Variants in COL12A1 observed in about 807,000 individuals in gnomAD.
The protein encoded by COL12A1 is collagen type XII alpha 1 chain.
COL12A1 carries 114 observed loss-of-function variants against 349.7 expected under a neutral mutation model. The ratio of observed to expected loss-of-function variants is 0.33; its 90% CI spans 0.28 to 0.38. COL12A1 has a LOEUF of 0.38. Ranked by LOEUF, COL12A1 falls within the 10% of genes least tolerant of loss-of-function variation. The probability of loss-of-function intolerance (pLI) is 1.00; values close to 1 mark genes in which losing one functional copy is unlikely to be tolerated. For missense variants in COL12A1, 3,284 were observed against 3,756.9 expected, an observed-to-expected ratio of 0.87 and a Z score of 3.29; for synonymous variants, 1,369 against 1,329.0, an observed-to-expected ratio of 1.03 and a Z score of -0.66.
chr6:75,177,527 A>T (rs1205001205), intron 12 of COL12A1, 136 bp downstream of exon 12: 2 of 1,008,808 alleles, frequency 2.0e-6, no homozygotes, highest in Non-Finnish European at 2.9e-6. Context: ...ACTTAAATCT[A>T]AAAGGACTAT....
At chr6:75,166,282 A>G (rs1392972878) in intron 13 of COL12A1, among the ~76,000 whole-genome samples, 1 of 152,218 alleles carries the variant, frequency 6.6e-6, no homozygotes, top group African/African-American at 2.4e-5. Flanking sequence ...ACAAAACTTA[A>G]TGCCAACAAC....
intron 52 of COL12A1, among the ~76,000 whole-genome samples, chr6:75,107,128 C>T (rs988811771): frequency 1.3e-4 from 19 of 151,780 alleles, no homozygotes; most frequent in Non-Finnish European, 2.2e-4. Flanking sequence ...TGGTCTTGAA[C>T]TCCTGGACTC....
Position 75,189,656 on chromosome 6 carries a change from C to G in COL12A1, c.554G>C (p.Ser185Thr). The G allele has an allele frequency of 6.2e-7, 1 of 1,613,316 alleles. No homozygotes were observed. The highest frequency in any genetic ancestry group is 8.5e-7 in the Non-Finnish European group (1 of 1,179,444). Residue 185 changes from serine to threonine, a missense_variant, in exon 6 of 66, where the codon AGC (serine) becomes ACC (threonine). By Grantham distance (58) the Ser-to-Thr change is moderately conservative. This residue lies in a region of COL12A1 where 2,601 missense variants were observed against 2,824.8 expected (regional missense o/e 0.92). Transcript: ENST00000322507. ...GTTAAATTCAGTCCTGGTATCAGAG[C>G]TGTATTGAACAACTCCAACTCTTGT... ...EKTRVGVVQYSSDTRTEFNLN... is the reference protein window; with the variant it reads ...EKTRVGVVQYTSDTRTEFNLN...
chr6:75,119,288 A>G, intron 45 of COL12A1, 62 bp downstream of exon 45: 1 of 1,606,576 alleles, frequency 6.2e-7, no homozygotes, highest in South Asian at 1.1e-5. Context: ...TCAGCATGAG[A>G]TAATACACTC....
chr6:75,127,880 C>T (rs1766097928), intron 38 of COL12A1, among the ~76,000 whole-genome samples: 1 of 152,076 alleles, frequency 6.6e-6, no homozygotes, highest in African/African-American at 2.4e-5. Context: ...AAAATGATTG[C>T]TCATCATCTC....
intron 8 of COL12A1, among the ~76,000 whole-genome samples, chr6:75,187,669 G>A (rs1349793914): frequency 6.6e-6 from 1 of 152,112 alleles, no homozygotes; most frequent in Non-Finnish European, 1.5e-5. Context: ...GAGTTTGTAT[G>A]ATTGAAGATG....
intron 24 of COL12A1, 78 bp from the exon 25 acceptor site, chr6:75,145,533 G>T: frequency 4.3e-6 from 6 of 1,392,772 alleles, no homozygotes; most frequent in East Asian, 2.7e-5. Flanking sequence ...GTCAACTGAA[G>T]TTTATTTGTA....
Position 75,123,990 on chromosome 6 carries a change from G to T in COL12A1, c.6829C>A (p.Pro2277Thr). The change falls in exon 42 of 66, where the codon CCA becomes ACA. Residue 2277 changes from proline to threonine, a missense_variant. Physicochemically the swap from Pro to Thr is conservative, Grantham distance 38. This residue lies in a region of COL12A1 where 2,601 missense variants were observed against 2,824.8 expected (regional missense o/e 0.92). Coordinates refer to ENST00000322507, the MANE Select transcript of COL12A1 (RefSeq NM_004370.6). ...GAGACTCCTGGTCCCTCGAGATTTG[G>T]TGTCTGCACAAAAACAGTGACACCA... The part of the protein sequence containing the change: ...DYGVTVFVQT[P>T]NLEGPGVSVK... 6.2e-7 allele frequency: 1 copy of T among 1,613,638 alleles called. No individual in the cohort carries two copies. Among genetic ancestry groups the T allele is most frequent in the Non-Finnish European group, 8.5e-7 (1 of 1,179,680 alleles).
chr6:75,173,963 T>G (rs570612279), intron 13 of COL12A1, among the ~76,000 whole-genome samples: 113 of 152,296 alleles, frequency 7.4e-4, no homozygotes, highest in African/African-American at 2.5e-3. Flanking sequence ...AGGCCCCCAG[T>G]TATAGGACTG....
At position 75,148,065 on chromosome 6, in the gene COL12A1, T is replaced by C. The variant is rs546748387; in HGVS notation, c.4288-261A>G. On this transcript the variant is annotated intron_variant, in intron 22 of 65. Coordinates refer to ENST00000322507, the MANE Select transcript of COL12A1 (RefSeq NM_004370.6). Reference sequence around the variant, plus strand: ...TTCCTTGCTAACTCTCTGATTCTACTACAAATTCATAAATAAATCAAGCAT... The same window carrying C: ...TTCCTTGCTAACTCTCTGATTCTACCACAAATTCATAAATAAATCAAGCAT... 2.6e-5 allele frequency among the ~76,000 whole-genome samples: 4 copies of C among 152,294 alleles called. No homozygotes were observed. In the East Asian group the frequency reaches 7.7e-4, roughly 29 times the overall value.
At chr6:75,117,678 C>T (rs939098617) in intron 46 of COL12A1, 132 bp from the exon 47 acceptor site, 20 of 809,956 alleles carry the variant, frequency 2.5e-5, no homozygotes, top group Admixed American at 2.4e-4. Flanking sequence ...TTTTACTTGA[C>T]GTGAACTCTC....
At chr6:75,186,361 A>C (rs240416) in intron 8 of COL12A1, among the ~76,000 whole-genome samples, 151,147 of 152,270 alleles carry the variant, frequency 0.99, 75,018 homozygotes, top group East Asian at 1. Flanking sequence ...ACAATCATAC[A>C]AAAAAAAGTT....
In COL12A1 at chr6:75,189,292, C is replaced by T. The variant is rs768046164; in HGVS notation, c.748G>A (p.Asp250Asn). The T allele has an allele frequency of 1.9e-6, 3 of 1,613,160 alleles. No individual in the cohort carries two copies. Among genetic ancestry groups the T allele is most frequent in the East Asian group, 2.2e-5 (1 of 44,842 alleles). ...TCCACTTCATCCTGGGATTTTCCAT[C>T]CGTAATAATAATTGCCACTTTAGGA... ...GFPKVAIIIT[D>N]GKSQDEVEIP... Residue 250 changes from aspartate (D) to asparagine (N), a missense_variant, in exon 7 of 66, where the codon GAT becomes AAT. Around this residue, in one of 2 missense-constraint regions of COL12A1, gnomAD observed 2,601 missense variants for 2,824.8 expected, o/e 0.92. Coordinates refer to ENST00000322507, the MANE Select transcript of COL12A1 (RefSeq NM_004370.6).
intron 65 of COL12A1, among the ~76,000 whole-genome samples, chr6:75,086,916 CA>C (rs1767525218): frequency 6.6e-6 from 1 of 151,930 alleles, no homozygotes; most frequent in African/African-American, 2.4e-5. Flanking sequence ...TTTAAATTTG[CA>C]AGATGCTTGA....
intron 65 of COL12A1, chr6:75,087,277 AAAAG>A (rs1222484135): frequency 7.9e-6 from 2 of 251,796 alleles, no homozygotes; most frequent in Non-Finnish European, 1.2e-5. Flanking sequence ...AATCTTGGGG[AAAAG>A]AAAAAAAAAA....
intron 13 of COL12A1, among the ~76,000 whole-genome samples, chr6:75,167,269 C>T (rs2149441060): frequency 6.6e-6 from 1 of 152,144 alleles, no homozygotes; most frequent in East Asian, 1.9e-4. Context: ...ATCGATATCC[C>T]AACAACTAGT....
intron 39 of COL12A1, 110 bp downstream of exon 39, chr6:75,126,241 T>C (rs1377764987): frequency 1.8e-5 from 23 of 1,260,866 alleles, no homozygotes; most frequent in Non-Finnish European, 2.3e-5. Context: ...GGAAACTTGG[T>C]GTGATCTGAA....
chr6:75,189,463 A>T, intron 6 of COL12A1, 82 bp from the exon 7 acceptor site: 5 of 1,570,874 alleles, frequency 3.2e-6, no homozygotes, highest in Non-Finnish European at 4.3e-6. Flanking sequence ...AATGTCAAAA[A>T]TATTTAATAT....
rs1769819268 is a variant in COL12A1 at position 75,189,588 on chromosome 6, T to G, written c.622A>C (p.Lys208Gln). Reference protein sequence around the residue: ...YQRDELLAAIKKIPYKGGNTM... With the variant: ...YQRDELLAAIQKIPYKGGNTM... Reference sequence around the variant, plus strand: ...TTGCCACCTTTATATGGAATTTTTTTTATTGCAGCAAGAAGTTCATCCCTT... The same window carrying G: ...TTGCCACCTTTATATGGAATTTTTTGTATTGCAGCAAGAAGTTCATCCCTT... The change falls in exon 6 of 66, where the codon AAA becomes CAA. Residue 208 changes from lysine (K) to glutamine (Q), a missense_variant. By Grantham distance (53) the Lys-to-Gln change is moderately conservative. Transcript: ENST00000322507. The G allele has an allele frequency of 2.5e-6, 4 of 1,613,046 alleles. No individual in the cohort carries two copies. In the Admixed American group the frequency reaches 5.0e-5, roughly 20 times the overall value.
Sources: allele counts gnomAD v4.1 joint callset (sites outside exome capture counted in the v4.1 genomes callset), GRCh38; gene constraint gnomAD v4.1.1; regional missense constraint gnomAD v4.1.1; transcripts MANE v1.5; gene names NCBI Gene and HGNC (gene_info 2026-07-23, HGNC 2026-07-21).